FAM13B: variants seen among roughly 807,000 people sequenced by gnomAD.
The protein encoded by FAM13B is protein FAM13B.
Under a neutral mutation model 117.3 loss-of-function variants are expected in FAM13B, and 60 were observed. That is an observed-to-expected ratio of 0.51 (90% CI 0.42 to 0.63). The LOEUF (loss-of-function observed/expected upper bound fraction) is 0.63, where lower values mean the gene tolerates loss of function less well. Among genes scored for constraint, FAM13B ranks in the 30% least tolerant of loss-of-function variants. The pLI, the probability that FAM13B is intolerant of heterozygous loss-of-function variation, is 0.00. For missense variants in FAM13B, 972 were observed against 1,091.9 expected, an observed-to-expected ratio of 0.89 and a Z score of 1.55; for synonymous variants, 332 against 356.1, an observed-to-expected ratio of 0.93 and a Z score of 0.76.
At chr5:138,023,452 G>A (rs189904788) in intron 1 of FAM13B, among the ~76,000 whole-genome samples, 4 of 152,314 alleles carry the variant, frequency 2.6e-5, no homozygotes, top group South Asian at 2.1e-4. Context: ...ATAAGGGTCA[G>A]AGGCAGAATA....
At chr5:137,971,789 A>C (rs373092657) in intron 10 of FAM13B, among the ~76,000 whole-genome samples, 2 of 149,954 alleles carry the variant, frequency 1.3e-5, no homozygotes, top group Admixed American at 6.7e-5. Context: ...TATCACCACC[A>C]ATCCCACAGA....
intron 15 of FAM13B, 89 bp from the exon 16 acceptor site, chr5:137,953,554 A>G (rs1765621235): frequency 2.2e-6 from 3 of 1,355,750 alleles, no homozygotes; most frequent in Non-Finnish European, 3.1e-6. Context: ...ATTAGCAATA[A>G]GTAAATCTTA....
chr5:137,981,271 C>T (rs982231949), intron 10 of FAM13B, among the ~76,000 whole-genome samples: 7 of 151,500 alleles, frequency 4.6e-5, no homozygotes, highest in African/African-American at 1.7e-4. Flanking sequence ...GGGAGACAGA[C>T]AATAAACAGA....
chr5:138,045,993 C>A (rs1169855294), intron 1 of FAM13B, among the ~76,000 whole-genome samples: 1 of 151,986 alleles, frequency 6.6e-6, no homozygotes, highest in Middle Eastern at 3.2e-3. Context: ...TGGCTGTGTC[C>A]CCACCCAAAT....
chr5:137,992,066 C>A (rs1778731242), intron 7 of FAM13B, among the ~76,000 whole-genome samples: 1 of 151,912 alleles, frequency 6.6e-6, no homozygotes, highest in South Asian at 2.1e-4. Flanking sequence ...ACTACAGGCA[C>A]ATGCCCAGCT....
chr5:138,004,098 G>A (rs1309503920), intron 7 of FAM13B, among the ~76,000 whole-genome samples: 3 of 151,850 alleles, frequency 2.0e-5, no homozygotes, highest in Non-Finnish European at 2.9e-5. Flanking sequence ...GTGAAATCCC[G>A]TCTCTACTAA....
chr5:138,002,038 G>T (rs1326255284), intron 7 of FAM13B, among the ~76,000 whole-genome samples: 8 of 152,100 alleles, frequency 5.3e-5, no homozygotes, highest in Non-Finnish European at 1.0e-4. Flanking sequence ...AGACATTAAA[G>T]GGATTTAACC....
intron 17 of FAM13B, among the ~76,000 whole-genome samples, chr5:137,951,233 A>AAG (rs1457502693): frequency 6.8e-6 from 1 of 147,026 alleles, no homozygotes; most frequent in South Asian, 2.1e-4. Flanking sequence ...AAAAAAAAAA[A>AAG]GGAGAGAGAG....
intron 1 of FAM13B, among the ~76,000 whole-genome samples, chr5:138,043,674 A>G (rs967188658): frequency 5.3e-5 from 8 of 151,814 alleles, no homozygotes; most frequent in Non-Finnish European, 1.2e-4. Context: ...TCCTGACCTC[A>G]TGATCCGCCT....
chr5:137,972,471 G>A (rs1772502352), intron 10 of FAM13B, among the ~76,000 whole-genome samples: 1 of 150,546 alleles, frequency 6.6e-6, no homozygotes, highest in African/African-American at 2.4e-5. Context: ...AAAATAATAA[G>A]AGCTATCTAT....
Position 138,011,038 on chromosome 5 carries a change from T to C in FAM13B, c.660A>G (p.Ser220=), listed in dbSNP as rs1396243117. 1 of 1,606,336 alleles carries C rather than the reference T, an allele frequency of 6.2e-7. No individual in the cohort carries two copies. Among genetic ancestry groups the C allele is most frequent in the Non-Finnish European group, 8.5e-7 (1 of 1,178,716 alleles). ...CAGTAATTGAACTCAAATCATTAGA[T>C]GAAAAATCTTCCTCTTCATTCTCAA... ...EFFENEEEDF[S]SNDLSSITEQ... is the part of the protein sequence containing the mutation. The change falls in exon 6 of 24, where the codon TCA becomes TCG. Residue 220 remains serine (S), a synonymous_variant. Coordinates refer to ENST00000689681, the MANE Select transcript of FAM13B (RefSeq NM_001385994.1).
chr5:137,954,018 T>C (rs1765738034), intron 15 of FAM13B, 148 bp downstream of exon 15: 6 of 629,524 alleles, frequency 9.5e-6, no homozygotes, highest in Non-Finnish European at 1.6e-5. Context: ...CTGAATTCTA[T>C]GTCTAGAAGA....
intron 10 of FAM13B, among the ~76,000 whole-genome samples, chr5:137,979,839 C>T (rs1052428274): frequency 6.6e-6 from 1 of 152,010 alleles, no homozygotes; most frequent in Non-Finnish European, 1.5e-5. Context: ...AAAGTATGTG[C>T]ATGTACAACC....
At chr5:137,998,443 T>C (rs1316893418) in intron 7 of FAM13B, among the ~76,000 whole-genome samples, 1 of 152,204 alleles carries the variant, frequency 6.6e-6, no homozygotes, top group African/African-American at 2.4e-5. Context: ...ATAAAGCACT[T>C]CTGCAGCATA....
chr5:137,985,354 T>C lies in FAM13B; in HGVS notation c.1082A>G (p.Glu361Gly). 3.1e-6 allele frequency: 5 copies of C among 1,613,930 alleles called. No homozygotes were observed. Among genetic ancestry groups the C allele is most frequent in the Non-Finnish European group, 4.2e-6 (5 of 1,179,938 alleles). ...DIADDIINAS[E>G]SNRDCSKPVA... is the part of the protein sequence containing the mutation. ...AGGTTTTGAACAGTCTCTGTTACTT[T>C]CACTGGCATTAATAATATCATCAGC... The change falls in exon 10 of 24, where the codon GAA (glutamate) becomes GGA (glycine). Residue 361 changes from glutamate (E) to glycine (G), a missense_variant. By Grantham distance (98) the Glu-to-Gly change is moderately conservative. Coordinates refer to ENST00000689681, the MANE Select transcript of FAM13B (RefSeq NM_001385994.1).
At chr5:138,010,224 A>G (rs1299352543) in intron 6 of FAM13B, among the ~76,000 whole-genome samples, 1 of 152,018 alleles carries the variant, frequency 6.6e-6, no homozygotes, top group East Asian at 1.9e-4. Context: ...CAGCTGATCC[A>G]CCCACCTCAG....
intron 1 of FAM13B, among the ~76,000 whole-genome samples, chr5:138,030,863 G>A (rs1005495123): frequency 2.6e-5 from 4 of 151,694 alleles, no homozygotes; most frequent in East Asian, 3.9e-4. Context: ...GCAAAACCCC[G>A]TCTTACAAAA....
chr5:137,976,717 C>G (rs961456869), intron 10 of FAM13B, among the ~76,000 whole-genome samples: 8 of 152,104 alleles, frequency 5.3e-5, no homozygotes, highest in Non-Finnish European at 1.2e-4. Flanking sequence ...ATTTCATGGA[C>G]GCTTATCACC....
intron 20 of FAM13B, among the ~76,000 whole-genome samples, chr5:137,945,333 T>C (rs1216908319): frequency 6.6e-6 from 1 of 152,224 alleles, no homozygotes; most frequent in African/African-American, 2.4e-5. Context: ...CAGCACTTAA[T>C]ATGCATTTAA....
Sources: gnomAD v4.1 joint callset for allele counts (sites outside exome capture counted in the v4.1 genomes callset) on GRCh38, gnomAD v4.1.1 for gene constraint, MANE v1.5 for transcripts, NCBI Gene and HGNC (gene_info 2026-07-23, HGNC 2026-07-21) for gene names.